ULK4: variants seen among roughly 807,000 people sequenced by gnomAD.
ULK4 encodes unc-51 like kinase 4, also known as inactive serine/threonine-protein kinase ULK4.
ULK4 carries 133 observed loss-of-function variants against 160.6 expected under a neutral mutation model. The observed-to-expected ratio is 0.83, with a 90% CI of 0.72 to 0.96. The LOEUF is 0.96. ULK4 is among the 40% of genes least tolerant of loss of function. ULK4 has a pLI of 0.00. For missense variants in ULK4, 1,580 were observed against 1,499.5 expected (o/e 1.05, Z -0.89); for synonymous variants, 534 against 539.8 (o/e 0.99, Z 0.15).
At position 41,941,778 on chromosome 3, in the gene ULK4, A is replaced by AAG. The variant is rs1559665538; in HGVS notation, c.139-3583_139-3582dup. Among the ~76,000 whole-genome samples, 18 of 148,178 alleles carry AAG rather than the reference A, an allele frequency of 1.2e-4. No individual in the cohort carries two copies. The East Asian group carries it at 1.4e-3, about 12-fold the overall frequency. On this transcript the variant is annotated intron_variant, in intron 2 of 36. Transcript: ENST00000301831. Reference sequence around the variant, plus strand: ...CTCAAAAAAAAAAAAAAAAAAAAAAAAGAGAAAGAAACTGTAAAACTAATA... The same window carrying AAG: ...CTCAAAAAAAAAAAAAAAAAAAAAAAAGAGAGAAAGAAACTGTAAAACTAATA...
At chr3:41,845,688 A>G (rs1348005097) in intron 17 of ULK4, among the ~76,000 whole-genome samples, 4 of 152,218 alleles carry the variant, frequency 2.6e-5, no homozygotes, top group African/African-American at 9.7e-5. Context: ...GATGAAGTAT[A>G]CACAGGATCT....
rs1012162324 is a variant in ULK4, at chr3:41,670,019, C to T, written c.2979-6320G>A. Among the ~76,000 whole-genome samples, 5 of 152,260 alleles carry T rather than the reference C, an allele frequency of 3.3e-5. No individual in the cohort carries two copies. The South Asian group carries it at 8.3e-4, about 25-fold the overall frequency. On this transcript the variant is annotated intron_variant, in intron 29 of 36. Transcript: ENST00000301831. The stretch of plus-strand genomic sequence containing the variant: ...AGAGTCTTGAATAGTTGGGTAAATA[C>T]TGTTAATGTGTTCTACAATCTTCAG...
chr3:41,338,033 A>G (rs2080601467), intron 35 of ULK4, among the ~76,000 whole-genome samples: 1 of 152,246 alleles, frequency 6.6e-6, no homozygotes, highest in African/African-American at 2.4e-5. Context: ...AAATGGAACA[A>G]AGCAATTTCT....
chr3:41,797,585 C>T (rs1464324493), intron 20 of ULK4, among the ~76,000 whole-genome samples: 1 of 152,170 alleles, frequency 6.6e-6, no homozygotes, highest in Non-Finnish European at 1.5e-5. Flanking sequence ...ACAGGCGGGG[C>T]ACAGTGGCTC....
chr3:41,555,010 T>C (rs529389419), intron 32 of ULK4, among the ~76,000 whole-genome samples: 3 of 152,128 alleles, frequency 2.0e-5, no homozygotes, highest in South Asian at 4.1e-4. Flanking sequence ...GAGTAAGGTA[T>C]ACATAAGGTA....
intron 17 of ULK4, among the ~76,000 whole-genome samples, chr3:41,846,358 T>C (rs973327467): frequency 2.6e-5 from 4 of 152,128 alleles, no homozygotes; most frequent in African/African-American, 9.7e-5. Flanking sequence ...ACAATGGCAG[T>C]TGAAAATGCC....
At chr3:41,594,705 G>A (rs928815985) in intron 31 of ULK4, among the ~76,000 whole-genome samples, 3 of 152,146 alleles carry the variant, frequency 2.0e-5, no homozygotes, top group African/African-American at 4.8e-5. Flanking sequence ...GCCACTGCAG[G>A]TTTTAAGCTG....
At chr3:41,721,279 T>TGG (rs1241543720) in intron 22 of ULK4, among the ~76,000 whole-genome samples, 1,019 of 98,876 alleles carry the variant, frequency 0.01, 49 homozygotes, top group African/African-American at 0.022. Context: ...TTTTTTTTTT[T>TGG]TTTTTGGGTT....
chr3:41,558,497 A>C (rs2087396021), intron 32 of ULK4, among the ~76,000 whole-genome samples: 1 of 152,080 alleles, frequency 6.6e-6, no homozygotes, highest in Non-Finnish European at 1.5e-5. Context: ...TGAGGTCAGG[A>C]GTTCAAGACC....
At chr3:41,613,890 A>C (rs1490643527) in intron 31 of ULK4, among the ~76,000 whole-genome samples, 1 of 152,240 alleles carries the variant, frequency 6.6e-6, no homozygotes, top group Non-Finnish European at 1.5e-5. Flanking sequence ...CTGCAAGGCC[A>C]TAGGGCTCAG....
chr3:41,589,349 TG>T (rs1382056662), intron 31 of ULK4, among the ~76,000 whole-genome samples: 1 of 137,406 alleles, frequency 7.3e-6, no homozygotes, highest in African/African-American at 2.8e-5. Flanking sequence ...AAAAATAACA[TG>T]GGAAATCTGT....
chr3:41,483,172 T>C (rs1283770463), intron 32 of ULK4, among the ~76,000 whole-genome samples: 1 of 152,186 alleles, frequency 6.6e-6, no homozygotes, highest in Non-Finnish European at 1.5e-5. Flanking sequence ...CCCACTACCC[T>C]TCCCAGTCTC....
chr3:41,705,699 T>C (rs1326997087), intron 25 of ULK4, among the ~76,000 whole-genome samples: 1 of 152,154 alleles, frequency 6.6e-6, no homozygotes, highest in Non-Finnish European at 1.5e-5. Context: ...TTTCTCATGT[T>C]GGTCACGCTG....
chr3:41,480,333 A>G (rs2084281489), intron 32 of ULK4, among the ~76,000 whole-genome samples: 1 of 152,178 alleles, frequency 6.6e-6, no homozygotes, highest in South Asian at 2.1e-4. Context: ...TTGTAAATAC[A>G]CAGATATATT....
chr3:41,642,603 G>A (rs1191626213), intron 30 of ULK4, among the ~76,000 whole-genome samples: 1 of 152,162 alleles, frequency 6.6e-6, no homozygotes, highest in Non-Finnish European at 1.5e-5. Context: ...TGGACATTTG[G>A]ATCAGTTCTA....
At chr3:41,392,102 T>G (rs1028831131) in intron 35 of ULK4, among the ~76,000 whole-genome samples, 7 of 152,108 alleles carry the variant, frequency 4.6e-5, no homozygotes, top group Admixed American at 3.9e-4. Context: ...GTAGCTAATC[T>G]ACAATCATTG....
Position 41,663,663 on chromosome 3 carries a change from T to C in ULK4, c.3015A>G (p.Pro1005=), listed in dbSNP as rs370037886. 6.2e-7 allele frequency: 1 copy of C among 1,613,874 alleles called. No individual in the cohort carries two copies. Among genetic ancestry groups the C allele is most frequent in the Non-Finnish European group, 8.5e-7 (1 of 1,179,914 alleles). Residue 1005 remains proline (P), a synonymous_variant, in exon 30 of 37, where the codon CCA becomes CCG. Transcript: ENST00000301831. ...CGACTAGCAGTTTCAGAGCATATGC[T>C]GGTACTGGGTCAGGTTCTAAAAGAA... is the stretch of plus-strand genomic sequence containing the variant. ...EHILLEPDPV[P]AYALKLLVAM... is the part of the protein sequence containing the mutation.
chr3:41,529,469 C>G (rs552322326), intron 32 of ULK4, among the ~76,000 whole-genome samples: 1 of 152,122 alleles, frequency 6.6e-6, no homozygotes. Context: ...ATTATCTGAA[C>G]ATATAAGAGC....
At chr3:41,422,740 A>G (rs963077156) in intron 34 of ULK4, among the ~76,000 whole-genome samples, 1 of 152,196 alleles carries the variant, frequency 6.6e-6, no homozygotes, top group African/African-American at 2.4e-5. Flanking sequence ...CTGTTTAATT[A>G]GAGTATAAAC....
Sources: allele counts gnomAD v4.1 joint callset (sites outside exome capture counted in the v4.1 genomes callset), GRCh38; gene constraint gnomAD v4.1.1; transcripts MANE v1.5; gene names NCBI Gene and HGNC (gene_info 2026-07-23, HGNC 2026-07-21).